The following PLPP1 variants were observed in gnomAD, a reference collection of about 807,000 sequenced individuals.
The protein encoded by PLPP1 is lipid phosphate phosphohydrolase 1a.
In PLPP1, 24 loss-of-function variants were observed where a neutral mutation model predicts 31.2. The observed-to-expected ratio is 0.77, with a 90% CI of 0.56 to 1.08. PLPP1 has a LOEUF of 1.08. Ranked by LOEUF, PLPP1 falls within the 50% of genes least tolerant of loss-of-function variation. PLPP1 has a pLI of 0.00. For synonymous variants in PLPP1, 146 were observed against 126.3 expected (o/e 1.16, Z -1.05); for missense variants, 319 against 342.7 (o/e 0.93, Z 0.55).
intron 1 of PLPP1, among the ~76,000 whole-genome samples, chr5:55,517,426 G>A (rs1753575587): frequency 6.6e-6 from 1 of 151,800 alleles, no homozygotes; most frequent in South Asian, 2.1e-4. Context: ...TGAACTCCTG[G>A]GCTCAAGCGA....
intron 4 of PLPP1, among the ~76,000 whole-genome samples, chr5:55,427,128 A>G (rs147806548): frequency 6.1e-4 from 93 of 152,278 alleles, no homozygotes; most frequent in African/African-American, 2.1e-3. Context: ...TTTCTATCCA[A>G]TAACAATATA....
At chr5:55,477,647 C>A (rs576225346) in intron 1 of PLPP1, among the ~76,000 whole-genome samples, 11 of 152,192 alleles carry the variant, frequency 7.2e-5, no homozygotes, top group African/African-American at 2.6e-4. Context: ...CCCAGCTCAG[C>A]CTCCCAAAGT....
rs142130679 is a variant in PLPP1, at chr5:55,482,265, GT to G, written c.59-6816del. On this transcript the variant is annotated intron_variant, in intron 1 of 5. Transcript: ENST00000307259. ...TACGCATTCAATGTAAGTCTCCTTT[GT>G]CCCCCCTCACCCCCGAAAAACTGTT... Among the ~76,000 whole-genome samples, 685 of 150,562 alleles carry G rather than the reference GT, an allele frequency of 4.5e-3. 6 individuals carry two copies. The highest frequency in any genetic ancestry group is 0.016 in the African/African-American group (652 of 40,990).
intron 1 of PLPP1, among the ~76,000 whole-genome samples, chr5:55,532,255 G>A (rs1444726170): frequency 2.0e-5 from 3 of 151,874 alleles, no homozygotes; most frequent in Non-Finnish European, 2.9e-5. Context: ...TCTACCATAT[G>A]GCTTTGTGTT....
intron 1 of PLPP1, among the ~76,000 whole-genome samples, chr5:55,496,381 A>G (rs534393716): frequency 1.3e-5 from 2 of 152,284 alleles, no homozygotes; most frequent in African/African-American, 4.8e-5. Context: ...AAACTATGTA[A>G]TAACCGCCGG....
chr5:55,473,999 T>TG (rs1554039242), intron 2 of PLPP1, among the ~76,000 whole-genome samples: 2,038 of 144,648 alleles, frequency 0.014, 57 homozygotes, highest in African/African-American at 0.051. Flanking sequence ...TGTTTGTTGT[T>TG]TTTTTTTTTT....
intron 1 of PLPP1, among the ~76,000 whole-genome samples, chr5:55,498,726 C>G (rs1265672200): frequency 6.6e-6 from 1 of 151,464 alleles, no homozygotes; most frequent in African/African-American, 2.4e-5. Flanking sequence ...GGTGAACAAT[C>G]TGAAGTCCAA....
intron 1 of PLPP1, among the ~76,000 whole-genome samples, chr5:55,505,182 A>G (rs1490639437): frequency 1.3e-5 from 2 of 152,116 alleles, no homozygotes; most frequent in African/African-American, 4.8e-5. Context: ...CCCTCTTCTT[A>G]TCATCCCCCT....
chr5:55,443,192 A>AAAAAAAAAAAAAATATATAT, intron 3 of PLPP1, among the ~76,000 whole-genome samples: 4 of 25,436 alleles, frequency 1.6e-4, no homozygotes, highest in Non-Finnish European at 2.6e-4. Context: ...AAAAAAAAAA[A>AAAAAAAAAAAAAATATATAT]ATATATATAT....
At chr5:55,425,458 G>T in intron 5 of PLPP1, 124 bp from the exon 6 acceptor site, 1 of 896,514 alleles carries the variant, frequency 1.1e-6, no homozygotes, top group Non-Finnish European at 1.6e-6. Context: ...TACAGATTAA[G>T]CATATAAAAA....
chr5:55,480,653 T>C (rs1752649671), intron 1 of PLPP1, among the ~76,000 whole-genome samples: 1 of 152,212 alleles, frequency 6.6e-6, no homozygotes, highest in African/African-American at 2.4e-5. Flanking sequence ...TAGTATTCAG[T>C]TGTATGTATA....
chr5:55,438,209 T>G (rs1053996125), intron 4 of PLPP1, among the ~76,000 whole-genome samples: 4 of 150,934 alleles, frequency 2.7e-5, no homozygotes, highest in African/African-American at 9.7e-5. Context: ...TCCTGAATAA[T>G]CAAATAAATT....
intron 1 of PLPP1, among the ~76,000 whole-genome samples, chr5:55,494,967 C>CAG (rs763957053): frequency 8.1e-5 from 11 of 135,650 alleles, no homozygotes; most frequent in Non-Finnish European, 1.5e-4. Context: ...AAAAAAAATA[C>CAG]AAAAAAAAAA....
At chr5:55,452,183 T>A (rs969055543) in intron 3 of PLPP1, among the ~76,000 whole-genome samples, 10 of 152,074 alleles carry the variant, frequency 6.6e-5, no homozygotes, top group Admixed American at 5.9e-4. Context: ...TGAAATGTGA[T>A]CCCCAATGTT....
chr5:55,487,722 A>G (rs1464670016), intron 1 of PLPP1, among the ~76,000 whole-genome samples: 1 of 152,180 alleles, frequency 6.6e-6, no homozygotes. Flanking sequence ...TGTTATACAC[A>G]AACTATTAAA....
At chr5:55,529,907 G>A (rs1484598081) in intron 1 of PLPP1, among the ~76,000 whole-genome samples, 1 of 152,090 alleles carries the variant, frequency 6.6e-6, no homozygotes, top group Non-Finnish European at 1.5e-5. Context: ...GTACAACAGG[G>A]ATTCTCTTTC....
chr5:55,425,239 AGTT>A lies in PLPP1; in HGVS notation c.819_821del (p.Thr274del). 5.0e-6 allele frequency: 8 copies of A among 1,613,918 alleles called. No homozygotes were observed. In the South Asian group the frequency reaches 8.8e-5, roughly 18 times the overall value. On this transcript the variant is annotated inframe_deletion, in exon 6 of 6. Coordinates refer to ENST00000307259, the MANE Select transcript of PLPP1 (RefSeq NM_003711.4). ...GGTGATTGCTCGGATAGTGATTCCCAGTTGTTGGTGTTTCATGCAGAGTTGTAT... is the reference window on the plus strand; with the variant it reads ...GGTGATTGCTCGGATAGTGATTCCCAGTTGGTGTTTCATGCAGAGTTGTAT...
Position 55,534,798 on chromosome 5 carries a change from C to A in PLPP1, c.-169G>T. The A allele has an allele frequency of 3.1e-6, 2 of 646,558 alleles. No homozygotes were observed. Among genetic ancestry groups the A allele is most frequent in the South Asian group, 4.4e-5 (2 of 45,254 alleles). 40.1% of individuals were successfully genotyped at this position (646,558 alleles called of 1,614,324 possible). A position where few individuals can be genotyped will look rare whatever the true frequency, so the allele number is the denominator to read the frequency against. ...GCGGGCTGAGACCGGGCGGCGCTCC[C>A]ACCGCCAGCAATGGCGCCCGGGGCC... On this transcript the variant is annotated 5_prime_UTR_variant, in exon 1 of 6. Coordinates refer to ENST00000307259, the MANE Select transcript of PLPP1 (RefSeq NM_003711.4).
chr5:55,517,571 T>C (rs758269970), intron 1 of PLPP1, among the ~76,000 whole-genome samples: 1 of 152,176 alleles, frequency 6.6e-6, no homozygotes, highest in African/African-American at 2.4e-5. Flanking sequence ...TTCAAGTGAG[T>C]TGCTCCTTTT....
Sources: gnomAD v4.1 joint callset for allele counts (sites outside exome capture counted in the v4.1 genomes callset) on GRCh38, gnomAD v4.1.1 for gene constraint, MANE v1.5 for transcripts, NCBI Gene and HGNC (gene_info 2026-07-23, HGNC 2026-07-21) for gene names.